Variants in TACR3 observed in about 807,000 individuals in gnomAD.
The protein encoded by TACR3 is neuromedin-K receptor.
A neutral mutation model predicts 35.0 loss-of-function variants in TACR3; 34 were observed. The observed-to-expected ratio is 0.97, with a 90% CI of 0.74 to 1.30. The LOEUF is 1.30. TACR3 is among the 50% of genes most tolerant of loss of function. The pLI is 0.00. For missense variants in TACR3, 558 were observed against 591.7 expected, an observed-to-expected ratio of 0.94 and a Z score of 0.59; for synonymous variants, 233 against 221.1, an observed-to-expected ratio of 1.05 and a Z score of -0.48.
chr4:103,635,875 G>C (rs186290758), intron 3 of TACR3, among the ~76,000 whole-genome samples: 29 of 152,006 alleles, frequency 1.9e-4, no homozygotes, highest in Middle Eastern at 3.4e-3. Context: ...CAGCAGTCCT[G>C]AATTTCAATT....
chr4:103,693,367 G>A (rs532912294), intron 1 of TACR3, among the ~76,000 whole-genome samples: 1 of 152,120 alleles, frequency 6.6e-6, no homozygotes, highest in Non-Finnish European at 1.5e-5. Flanking sequence ...TGAAGCTGCT[G>A]TGTCAAAAGG....
At chr4:103,714,231 A>C (rs142917903) in intron 1 of TACR3, among the ~76,000 whole-genome samples, 2 of 152,140 alleles carry the variant, frequency 1.3e-5, no homozygotes, top group African/African-American at 4.8e-5. Context: ...TTTGACATAC[A>C]CTTTTCTGTT....
chr4:103,713,323 G>C (rs963026314), intron 1 of TACR3, among the ~76,000 whole-genome samples: 3 of 151,846 alleles, frequency 2.0e-5, no homozygotes, highest in African/African-American at 7.3e-5. Flanking sequence ...TCCTTTGTAG[G>C]GACATGGATG....
intron 3 of TACR3, among the ~76,000 whole-genome samples, chr4:103,646,337 T>C (rs954305356): frequency 1.1e-4 from 16 of 152,180 alleles, no homozygotes; most frequent in African/African-American, 3.6e-4. Context: ...ACTTCCACAG[T>C]AGGAATTTTT....
At chr4:103,689,390 T>TA (rs1395505672) in intron 1 of TACR3, among the ~76,000 whole-genome samples, 2 of 151,972 alleles carry the variant, frequency 1.3e-5, no homozygotes, top group African/African-American at 4.8e-5. Flanking sequence ...CCCTAAAACT[T>TA]AAAGTATAAT....
intron 3 of TACR3, among the ~76,000 whole-genome samples, chr4:103,630,755 T>C (rs1725038591): frequency 6.6e-6 from 1 of 152,146 alleles, no homozygotes; most frequent in Admixed American, 6.5e-5. Flanking sequence ...AGTTCAACCA[T>C]TGTGGAAGAC....
intron 1 of TACR3, among the ~76,000 whole-genome samples, chr4:103,693,483 T>C (rs17034001): frequency 6.6e-6 from 1 of 152,172 alleles, no homozygotes; most frequent in African/African-American, 2.4e-5. Flanking sequence ...TCTGACTTTC[T>C]TCATCATTGC....
intron 1 of TACR3, among the ~76,000 whole-genome samples, chr4:103,710,964 T>G (rs976142133): frequency 3.4e-4 from 51 of 151,430 alleles, no homozygotes; most frequent in African/African-American, 1.2e-3. Context: ...TCCCTGAATA[T>G]ACCAATAACA....
At chr4:103,675,300 G>A (rs1448457083) in intron 1 of TACR3, among the ~76,000 whole-genome samples, 4 of 152,020 alleles carry the variant, frequency 2.6e-5, no homozygotes, top group South Asian at 4.1e-4. Context: ...ATTTTCCTAC[G>A]TCTTCACTTT....
At chr4:103,623,353 G>T (rs142132394) in intron 3 of TACR3, among the ~76,000 whole-genome samples, 1 of 152,090 alleles carries the variant, frequency 6.6e-6, no homozygotes, top group East Asian at 1.9e-4. Context: ...GCTAAATCAT[G>T]CAAAGATAGA....
chr4:103,673,007 A>G (rs551884024), intron 1 of TACR3, among the ~76,000 whole-genome samples: 1 of 152,230 alleles, frequency 6.6e-6, no homozygotes, highest in African/African-American at 2.4e-5. Flanking sequence ...GCTGGCCACA[A>G]GTTTTCTTCT....
chr4:103,614,398 G>C (rs1724585204), intron 3 of TACR3, among the ~76,000 whole-genome samples: 1 of 152,116 alleles, frequency 6.6e-6, no homozygotes, highest in African/African-American at 2.4e-5. Flanking sequence ...CTAAGGTCTA[G>C]GTTTTATTAA....
intron 3 of TACR3, among the ~76,000 whole-genome samples, chr4:103,597,114 C>G (rs960804589): frequency 2.7e-5 from 4 of 150,554 alleles, no homozygotes; most frequent in Admixed American, 1.3e-4. Context: ...TGGGTATATA[C>G]CCAGTAATGG....
intron 2 of TACR3, among the ~76,000 whole-genome samples, chr4:103,657,274 C>T (rs1054624358): frequency 6.6e-6 from 1 of 151,792 alleles, no homozygotes; most frequent in South Asian, 2.1e-4. Context: ...CCTTGCCTTT[C>T]CATTTCTCAG....
Position 103,602,737 on chromosome 4 carries a change from C to T in TACR3, c.889-11054G>A, listed in dbSNP as rs146199851. On this transcript the variant is annotated intron_variant, in intron 3 of 4. Coordinates refer to ENST00000304883, the MANE Select transcript of TACR3 (RefSeq NM_001059.3). ...TGAACCGCAGATGCTGCTGTCTGAT[C>T]GTTCCTGTGGAAGTTTTGTCTCAGA... 1.3e-3 allele frequency among the ~76,000 whole-genome samples: 200 copies of T among 152,252 alleles called. 2 individuals are homozygous for T. The highest frequency in any genetic ancestry group is 4.1e-3 in the African/African-American group (171 of 41,566).
intron 4 of TACR3, 168 bp downstream of exon 4, chr4:103,591,319 G>A (rs1723887978): frequency 8.3e-6 from 6 of 719,252 alleles, no homozygotes; most frequent in Non-Finnish European, 1.4e-5. Flanking sequence ...GCTTTATAAA[G>A]TGTGTATGGG....
chr4:103,616,070 T>G (rs1206973866), intron 3 of TACR3, among the ~76,000 whole-genome samples: 2 of 152,198 alleles, frequency 1.3e-5, no homozygotes, highest in Non-Finnish European at 1.5e-5. Context: ...TGTTATGGAT[T>G]CATACAGGTC....
At chr4:103,686,049 A>T (rs1374130047) in intron 1 of TACR3, among the ~76,000 whole-genome samples, 6 of 152,202 alleles carry the variant, frequency 3.9e-5, no homozygotes, top group African/African-American at 1.2e-4. Context: ...AAAACATAGC[A>T]GTGTTAGTTG....
At chr4:103,647,003 T>G (rs941302759) in intron 3 of TACR3, among the ~76,000 whole-genome samples, 5 of 151,952 alleles carry the variant, frequency 3.3e-5, no homozygotes, top group Admixed American at 3.3e-4. Context: ...GCCCCTCTAC[T>G]CATTTCCTCC....
Sources: gnomAD v4.1 joint callset for allele counts (sites outside exome capture counted in the v4.1 genomes callset) on GRCh38, gnomAD v4.1.1 for gene constraint, MANE v1.5 for transcripts, NCBI Gene and HGNC (gene_info 2026-07-23, HGNC 2026-07-21) for gene names.